FBXO11: variants seen among roughly 807,000 people sequenced by gnomAD.
FBXO11 encodes F-box protein 11.
Under a neutral mutation model 117.0 loss-of-function variants are expected in FBXO11, and 13 were observed. That is an observed-to-expected ratio of 0.11 (90% CI 0.07 to 0.18). FBXO11 has a LOEUF of 0.18. Ranked by LOEUF, FBXO11 falls within the 10% of genes least tolerant of loss-of-function variation. The pLI, the probability that FBXO11 is intolerant of heterozygous loss-of-function variation, is 1.00. For synonymous variants in FBXO11, 490 were observed against 380.5 expected (o/e 1.29, Z -3.35); for missense variants, 767 against 1,164.4 (o/e 0.66, Z 4.97).
Position 47,807,811 on chromosome 2 carries a change from A to G in FBXO11, c.*307T>C. Reference sequence around the variant, plus strand: ...ACTACTGCAAATTGGACTGCATTCAATGCTAGTTGTAAAAACACCAGCTTT... The same window carrying G: ...ACTACTGCAAATTGGACTGCATTCAGTGCTAGTTGTAAAAACACCAGCTTT... On this transcript the variant is annotated 3_prime_UTR_variant, in exon 23 of 23. Coordinates refer to ENST00000403359, the MANE Select transcript of FBXO11 (RefSeq NM_001190274.2). 1 of 290,910 alleles carries G rather than the reference A, an allele frequency of 3.4e-6. No individual in the cohort carries two copies. The highest frequency in any genetic ancestry group is 2.1e-5 in the African/African-American group (1 of 47,026). 18.0% of individuals were successfully genotyped at this position (290,910 alleles called of 1,614,324 possible).
At position 47,821,567 on chromosome 2, in the gene FBXO11, G is replaced by A. The variant is rs184831655; in HGVS notation, c.1702+651C>T. The stretch of plus-strand genomic sequence containing the variant: ...GGAGCTTGCAGTGAGCCGAGATTGC[G>A]CCACTGCACTCCAGCCTGGGTGATA... On this transcript the variant is annotated intron_variant, in intron 13 of 22. Transcript: ENST00000403359. Among the ~76,000 whole-genome samples, 10 of 150,750 alleles carry A rather than the reference G, an allele frequency of 6.6e-5. No homozygotes were observed. The East Asian group carries it at 1.8e-3, about 26-fold the overall frequency.
chr2:47,872,619 T>G (rs1381999914), intron 1 of FBXO11, among the ~76,000 whole-genome samples: 1 of 152,184 alleles, frequency 6.6e-6, no homozygotes, highest in African/African-American at 2.4e-5. Flanking sequence ...CCACCGTGCC[T>G]GGCCTTATTT....
chr2:47,814,103 T>G (rs1572766642), intron 16 of FBXO11: 1 of 408,078 alleles, frequency 2.5e-6, no homozygotes, highest in East Asian at 4.4e-5. Context: ...GTAAACTAAA[T>G]GGGGTTATAT....
chr2:47,812,843 A>G (rs556806633), intron 18 of FBXO11: 17 of 254,832 alleles, frequency 6.7e-5, no homozygotes, highest in South Asian at 1.3e-4. Context: ...ACACAGTTGA[A>G]AACAGTTACA....
chr2:47,865,926 AAAAC>A, intron 1 of FBXO11: 1 of 152,332 alleles, frequency 6.6e-6, no homozygotes, highest in Non-Finnish European at 1.5e-5. Context: ...AAACAAAGGA[AAAAC>A]AAATAATCAG....
intron 1 of FBXO11, among the ~76,000 whole-genome samples, chr2:47,864,647 TTTAA>T (rs1326925726): frequency 2.0e-5 from 3 of 152,124 alleles, no homozygotes; most frequent in African/African-American, 7.2e-5. Context: ...AGAGACTAGA[TTTAA>T]TAAATTATTT....
At chr2:47,809,554 C>A in intron 20 of FBXO11, 46 bp downstream of exon 20, 1 of 1,343,344 alleles carries the variant, frequency 7.4e-7, no homozygotes, top group South Asian at 1.2e-5. Context: ...GATTATCTTT[C>A]ATGGCATATT....
At chr2:47,815,982 C>T (rs776668707) in intron 16 of FBXO11, among the ~76,000 whole-genome samples, 3 of 152,162 alleles carry the variant, frequency 2.0e-5, no homozygotes, top group South Asian at 2.1e-4. Context: ...CTCCAGCACC[C>T]GATGTGTTCA....
At position 47,864,523 on chromosome 2, in the gene FBXO11, G is replaced by A. The variant is rs551606748; in HGVS notation, c.233-24754C>T. On this transcript the variant is annotated intron_variant, in intron 1 of 22. Transcript: ENST00000403359. ...AATTGCTTGAACCCGGGAGGCAGAG[G>A]TTGCAGTGAGCCAAGATCTCACCAC... Among the ~76,000 whole-genome samples, 7 of 152,280 alleles carry A rather than the reference G, an allele frequency of 4.6e-5. No individual in the cohort carries two copies. In the South Asian group the frequency reaches 1.5e-3, roughly 32 times the overall value.
chr2:47,886,734 T>C (rs1676882434), intron 1 of FBXO11, among the ~76,000 whole-genome samples: 1 of 152,160 alleles, frequency 6.6e-6, no homozygotes, highest in African/African-American at 2.4e-5. Context: ...CCAGGATATC[T>C]TTAAGCAAAA....
chr2:47,828,114 G>A (rs140845360), intron 11 of FBXO11, among the ~76,000 whole-genome samples: 1 of 152,228 alleles, frequency 6.6e-6, no homozygotes, highest in East Asian at 1.9e-4. Context: ...CAAGTAGCTA[G>A]GATTATAGGC....
intron 13 of FBXO11, 149 bp from the exon 14 acceptor site, chr2:47,820,605 T>C (rs1334452500): frequency 4.9e-6 from 3 of 612,782 alleles, no homozygotes; most frequent in African/African-American, 1.8e-5. Context: ...TGTAAATAGA[T>C]GCAGAGAGCT....
intron 1 of FBXO11, among the ~76,000 whole-genome samples, chr2:47,887,429 TC>T (rs1676945034): frequency 6.6e-6 from 1 of 151,382 alleles, no homozygotes; most frequent in Non-Finnish European, 1.5e-5. Context: ...TAACTGACTT[TC>T]CCCCTTAAAT....
intron 4 of FBXO11, chr2:47,836,893 CTT>C (rs780357868): frequency 1.6e-3 from 573 of 365,190 alleles, no homozygotes; most frequent in Non-Finnish European, 2.5e-3. Context: ...AAGTGATCCT[CTT>C]GTCTTATTTT....
chr2:47,905,331 C>A (rs1174200278), intron 1 of FBXO11, 158 bp downstream of exon 1: 4 of 725,980 alleles, frequency 5.5e-6, no homozygotes, highest in East Asian at 5.6e-5. Context: ...CCGGCCCGGG[C>A]TGACACTGCG....
intron 1 of FBXO11, among the ~76,000 whole-genome samples, chr2:47,885,423 C>G (rs951168199): frequency 6.6e-6 from 1 of 151,914 alleles, no homozygotes; most frequent in African/African-American, 2.4e-5. Context: ...CAAACCCTGT[C>G]TCTACCAAGG....
rs55762324 is a variant in FBXO11 at position 47,807,217 on chromosome 2, C to CA, written c.*900dup. On this transcript the variant is annotated 3_prime_UTR_variant, in exon 23 of 23. Coordinates refer to ENST00000403359, the MANE Select transcript of FBXO11 (RefSeq NM_001190274.2). The stretch of plus-strand genomic sequence containing the variant: ...TTCCAGCAGTTTTGTCTAAACTGTT[C>CA]AAAAAAAAACTATGAACAGAGTTCA... 5.8e-3 allele frequency: 1,413 copies of CA among 241,586 alleles called. 16 individuals are homozygous for CA. The highest frequency in any genetic ancestry group is 0.023 in the African/African-American group (1,005 of 44,560). The allele number at this position is 241,586 out of a possible 1,614,324, so 15.0% of individuals were successfully genotyped here.
Position 47,837,904 on chromosome 2 carries a change from C to G in FBXO11, c.587+955G>C, listed in dbSNP as rs144266458. 2.0e-5 allele frequency among the ~76,000 whole-genome samples: 3 copies of G among 151,800 alleles called. No homozygotes were observed. The East Asian group carries it at 5.8e-4, about 29-fold the overall frequency. ...AGCCACCACACCTGGCCTCTTTTCACTTTTTATAACAGCATTTTTTTCATC... is the reference window on the plus strand; with the variant it reads ...AGCCACCACACCTGGCCTCTTTTCAGTTTTTATAACAGCATTTTTTTCATC... On this transcript the variant is annotated intron_variant, in intron 4 of 22. Coordinates refer to ENST00000403359, the MANE Select transcript of FBXO11 (RefSeq NM_001190274.2).
At chr2:47,851,331 A>C (rs1431252143) in intron 1 of FBXO11, among the ~76,000 whole-genome samples, 1 of 151,936 alleles carries the variant, frequency 6.6e-6, no homozygotes, top group African/African-American at 2.4e-5. Flanking sequence ...GGTTCAAGCG[A>C]TTCTCCTGCC....
Sources: allele counts gnomAD v4.1 joint callset (sites outside exome capture counted in the v4.1 genomes callset), GRCh38; gene constraint gnomAD v4.1.1; transcripts MANE v1.5; gene names NCBI Gene and HGNC (gene_info 2026-07-23, HGNC 2026-07-21).